Variants in CASP5 observed in about 807,000 individuals in gnomAD.
CASP5 encodes caspase-5.
A neutral mutation model predicts 45.2 loss-of-function variants in CASP5; 42 were observed. That is an observed-to-expected ratio of 0.93 (90% CI 0.73 to 1.20). The LOEUF (loss-of-function observed/expected upper bound fraction) is 1.20. Among genes scored for constraint, CASP5 ranks in the 50% most tolerant of loss-of-function variants. The pLI, the probability that CASP5 is intolerant of heterozygous loss-of-function variation, is 0.00. For missense variants in CASP5, 512 were observed against 532.2 expected (o/e 0.96, Z 0.37); for synonymous variants, 209 against 186.2 (o/e 1.12, Z -1.00).
intron 3 of CASP5, among the ~76,000 whole-genome samples, chr11:105,006,306 T>G (rs978304004): frequency 6.6e-6 from 1 of 152,198 alleles, no homozygotes; most frequent in African/African-American, 2.4e-5. Context: ...AAGAAAGCAC[T>G]CTTTATTGCA....
rs148935912 is a variant in CASP5, at chr11:105,003,296, A to G, written c.521T>C (p.Leu174Pro). ...CACCTCATCATGATTTTTTTTACAC[A>G]GTCTCAGGAATTCTTCACGAGGACA... ...KLCPREEFLR[L>P]CKKNHDEIYP... is the part of the protein sequence containing the mutation. Residue 174 changes from leucine to proline, a missense_variant, in exon 4 of 10, where the codon CTG (leucine) becomes CCG (proline). Physicochemically the swap from Leu to Pro is moderately conservative, Grantham distance 98. Transcript: ENST00000260315. 4.4e-6 allele frequency: 7 copies of G among 1,602,282 alleles called. No homozygotes were observed. Among genetic ancestry groups the G allele is most frequent in the Non-Finnish European group, 5.1e-6 (6 of 1,172,220 alleles).
chr11:105,004,763 C>A (rs1861922287), intron 3 of CASP5, among the ~76,000 whole-genome samples: 1 of 152,036 alleles, frequency 6.6e-6, no homozygotes, highest in South Asian at 2.1e-4. Context: ...TGTAAGGAAA[C>A]CATACCTTCT....
At chr11:105,011,186 T>G (rs1862328939) in intron 1 of CASP5, among the ~76,000 whole-genome samples, 1 of 151,786 alleles carries the variant, frequency 6.6e-6, no homozygotes, top group Non-Finnish European at 1.5e-5. Context: ...GTTAATGGAA[T>G]GTCTACTCTG....
chr11:105,012,553 T>G (rs915234052), intron 1 of CASP5, among the ~76,000 whole-genome samples: 1 of 151,808 alleles, frequency 6.6e-6, no homozygotes, highest in African/African-American at 2.4e-5. Flanking sequence ...TCAAAATATA[T>G]GAGAAACACA....
At chr11:105,005,215 G>T (rs1337958117) in intron 3 of CASP5, among the ~76,000 whole-genome samples, 1 of 151,986 alleles carries the variant, frequency 6.6e-6, no homozygotes, top group Non-Finnish European at 1.5e-5. Context: ...ATCTGCTCAG[G>T]AATCTCTTAA....
At chr11:105,013,385 T>G (rs1255944887) in intron 1 of CASP5, among the ~76,000 whole-genome samples, 1 of 125,168 alleles carries the variant, frequency 8.0e-6, no homozygotes, top group East Asian at 1.9e-4. Flanking sequence ...TTCTTGAAAA[T>G]TGTTTGACAG....
intron 1 of CASP5, among the ~76,000 whole-genome samples, chr11:105,014,501 C>G (rs1370230889): frequency 6.6e-6 from 1 of 152,160 alleles, no homozygotes; most frequent in Non-Finnish European, 1.5e-5. Context: ...ACTTCTGGCA[C>G]TCAAGGGAAG....
In CASP5 at chr11:105,007,275, G is replaced by A. The variant is rs2134719889; in HGVS notation, c.241C>T (p.His81Tyr). Residue 81 changes from histidine (H) to tyrosine (Y), a missense_variant, in exon 3 of 10, where the codon CAT becomes TAT. Coordinates refer to ENST00000260315, the MANE Select transcript of CASP5 (RefSeq NM_004347.5). ...TTTGCCAAATAATTAAAAACACCAT[G>A]AAGAACATCTTTGCCCAGGTATTCC... is the stretch of plus-strand genomic sequence containing the variant. ...MLEYLGKDVL[H>Y]GVFNYLAKHD... 6.2e-7 allele frequency: 1 copy of A among 1,610,922 alleles called. No individual in the cohort carries two copies. Among genetic ancestry groups the A allele is most frequent in the East Asian group, 2.2e-5 (1 of 44,850 alleles).
At chr11:104,999,462 G>A (rs1191410349) in intron 6 of CASP5, among the ~76,000 whole-genome samples, 4 of 152,136 alleles carry the variant, frequency 2.6e-5, no homozygotes, top group African/African-American at 9.7e-5. Context: ...TATCATTGAT[G>A]GACATTTGGG....
At position 105,000,273 on chromosome 11, in the gene CASP5, C is replaced by T. The variant is rs1415790293; in HGVS notation, c.940G>A (p.Ala314Thr). Reference sequence around the variant, plus strand: ...CCTCAGCACTCACCACCTCTGCAGGCCTGGACAATGATGACCTTGGGTTTG... The same window carrying T: ...CCTCAGCACTCACCACCTCTGCAGGTCTGGACAATGATGACCTTGGGTTTG... ...KDKPKVIIVQ[A>T]CRGEKHGELW... Residue 314 changes from alanine (A) to threonine (T), a missense_variant, in exon 6 of 10, where the codon GCC becomes ACC. Physicochemically the swap from Ala to Thr is moderately conservative, Grantham distance 58. Coordinates refer to ENST00000260315, the MANE Select transcript of CASP5 (RefSeq NM_004347.5). 7.4e-6 allele frequency: 12 copies of T among 1,614,088 alleles called. No homozygotes were observed. Among genetic ancestry groups the T allele is most frequent in the Non-Finnish European group, 1.0e-5 (12 of 1,180,034 alleles).
chr11:104,996,729 TA>T (rs201787488), intron 8 of CASP5, among the ~76,000 whole-genome samples: 3 of 152,028 alleles, frequency 2.0e-5, no homozygotes, highest in African/African-American at 7.3e-5. Flanking sequence ...TAAATACAGG[TA>T]AAAAACAGAC....
intron 1 of CASP5, among the ~76,000 whole-genome samples, chr11:105,013,444 A>C (rs1324133387): frequency 6.6e-6 from 1 of 152,092 alleles, no homozygotes; most frequent in East Asian, 1.9e-4. Flanking sequence ...CATATGAGGT[A>C]ATGCATATGT....
intron 1 of CASP5, among the ~76,000 whole-genome samples, chr11:105,009,263 T>C (rs1800696348): frequency 6.6e-6 from 1 of 151,942 alleles, no homozygotes; most frequent in South Asian, 2.1e-4. Flanking sequence ...TGGTCATCCA[T>C]TGTATTCAGA....
In CASP5 at chr11:105,011,380, T is replaced by C. The variant is rs137977205; in HGVS notation, c.8-2400A>G. Among the ~76,000 whole-genome samples the C allele has an allele frequency of 1.2e-4, 18 of 151,908 alleles. No homozygotes were observed. The East Asian group carries it at 3.3e-3, about 28-fold the overall frequency. ...TCAATGGTGAAAAGATAAAAGCTTT[T>C]CTTCAAAGATTAGGAAGAGGACAAA... is the stretch of plus-strand genomic sequence containing the variant. On this transcript the variant is annotated intron_variant, in intron 1 of 9. Coordinates refer to ENST00000260315, the MANE Select transcript of CASP5 (RefSeq NM_004347.5).
chr11:105,004,554 C>T (rs974743779), intron 3 of CASP5, among the ~76,000 whole-genome samples: 9 of 151,976 alleles, frequency 5.9e-5, no homozygotes, highest in African/African-American at 1.2e-4. Flanking sequence ...TGTTTGGTTA[C>T]GTGACCCAAC....
At chr11:105,012,814 G>A (rs768740023) in intron 1 of CASP5, among the ~76,000 whole-genome samples, 5 of 151,596 alleles carry the variant, frequency 3.3e-5, no homozygotes, top group Non-Finnish European at 5.9e-5. Flanking sequence ...TACTGTTGGT[G>A]AAAATATAAA....
At chr11:105,001,000 T>C (rs1454994722) in intron 5 of CASP5, among the ~76,000 whole-genome samples, 2 of 152,192 alleles carry the variant, frequency 1.3e-5, no homozygotes, top group Non-Finnish European at 2.9e-5. Context: ...CTTTCACAGG[T>C]AGCGCCCCCT....
chr11:105,017,288 C>T (rs1164789870), intron 1 of CASP5, among the ~76,000 whole-genome samples: 4 of 151,974 alleles, frequency 2.6e-5, no homozygotes, highest in East Asian at 1.9e-4. Flanking sequence ...TCGCCAGCAA[C>T]GGAACAAAGC....
At chr11:104,994,702 A>G (rs1861377691) in intron 9 of CASP5, among the ~76,000 whole-genome samples, 1 of 152,186 alleles carries the variant, frequency 6.6e-6, no homozygotes, top group South Asian at 2.1e-4. Flanking sequence ...TTTTGGTCAC[A>G]CTATCTCATT....
Sources: gnomAD v4.1 joint callset for allele counts (sites outside exome capture counted in the v4.1 genomes callset) on GRCh38, gnomAD v4.1.1 for gene constraint, MANE v1.5 for transcripts, NCBI Gene and HGNC (gene_info 2026-07-23, HGNC 2026-07-21) for gene names.